Variants in OSBP2 observed in about 807,000 individuals in gnomAD.
OSBP2 encodes oxysterol binding protein 2.
In OSBP2, 66 loss-of-function variants were observed where a neutral mutation model predicts 96.0. That is an observed-to-expected ratio of 0.69 (90% CI 0.56 to 0.84). The LOEUF (loss-of-function observed/expected upper bound fraction) is 0.84. Among genes scored for constraint, OSBP2 ranks in the 40% least tolerant of loss-of-function variants. The pLI is 0.00. For missense variants in OSBP2, 1,038 were observed against 1,222.7 expected, an observed-to-expected ratio of 0.85 and a Z score of 2.25; for synonymous variants, 525 against 520.9, an observed-to-expected ratio of 1.01 and a Z score of -0.11.
At chr22:30,773,759 G>A (rs1383363727) in intron 2 of OSBP2, among the ~76,000 whole-genome samples, 1 of 152,090 alleles carries the variant, frequency 6.6e-6, no homozygotes, top group Non-Finnish European at 1.5e-5. Flanking sequence ...CAGTCTCGGG[G>A]TCCTCACAGA....
chr22:30,841,655 G>A (rs1246836885), intron 2 of OSBP2, among the ~76,000 whole-genome samples: 2 of 152,158 alleles, frequency 1.3e-5, no homozygotes, highest in South Asian at 2.1e-4. Context: ...ACTCTAGTAA[G>A]TGAGCAATAG....
At chr22:30,732,165 G>C (rs147058618) in intron 1 of OSBP2, among the ~76,000 whole-genome samples, 1 of 152,080 alleles carries the variant, frequency 6.6e-6, no homozygotes, top group Non-Finnish European at 1.5e-5. Flanking sequence ...TTAGCTGGGC[G>C]TGGTGACGGG....
chr22:30,835,814 C>T (rs1433159683), intron 2 of OSBP2, among the ~76,000 whole-genome samples: 1 of 150,376 alleles, frequency 6.6e-6, no homozygotes, highest in Non-Finnish European at 1.5e-5. Flanking sequence ...CCTCCCCTAT[C>T]TCAAGTGATC....
chr22:30,830,441 C>T (rs1400366527), intron 2 of OSBP2, among the ~76,000 whole-genome samples: 3 of 152,228 alleles, frequency 2.0e-5, no homozygotes, highest in Non-Finnish European at 2.9e-5. Flanking sequence ...ATCAGCCTTT[C>T]GGCCATAGGT....
intron 2 of OSBP2, among the ~76,000 whole-genome samples, chr22:30,766,991 A>G (rs2090279513): frequency 6.6e-6 from 1 of 151,922 alleles, no homozygotes; most frequent in African/African-American, 2.4e-5. Context: ...AAACGTGTTG[A>G]TTGACAGAGG....
At chr22:30,838,305 C>T (rs555494904) in intron 2 of OSBP2, among the ~76,000 whole-genome samples, 1 of 152,100 alleles carries the variant, frequency 6.6e-6, no homozygotes, top group Non-Finnish European at 1.5e-5. Flanking sequence ...TTTGGAGTCC[C>T]TGGGGATGTG....
At chr22:30,791,059 C>T (rs1169912099) in intron 2 of OSBP2, among the ~76,000 whole-genome samples, 1 of 151,778 alleles carries the variant, frequency 6.6e-6, no homozygotes, top group Non-Finnish European at 1.5e-5. Flanking sequence ...TCTCGGCTCA[C>T]GGCAACTTCC....
At chr22:30,738,783 A>G (rs1335616708) in intron 1 of OSBP2, among the ~76,000 whole-genome samples, 1 of 151,972 alleles carries the variant, frequency 6.6e-6, no homozygotes, top group South Asian at 2.1e-4. Flanking sequence ...GCTGGTCACA[A>G]TCTCCTCACC....
intron 1 of OSBP2, among the ~76,000 whole-genome samples, chr22:30,724,804 A>G (rs912618005): frequency 6.6e-6 from 1 of 152,206 alleles, no homozygotes; most frequent in Non-Finnish European, 1.5e-5. Context: ...GACAATGATA[A>G]AGTAAACCAA....
chr22:30,754,881 C>T lies in OSBP2; in HGVS notation c.853+13512C>T, dbSNP rs140409178. ...TGCCCCATCTCAAAGCCTCCCATTGCCATATAGCTTTCTGCTGACTACATC... is the reference window on the plus strand; with the variant it reads ...TGCCCCATCTCAAAGCCTCCCATTGTCATATAGCTTTCTGCTGACTACATC... On this transcript the variant is annotated intron_variant, in intron 2 of 13. Transcript: ENST00000332585. Among the ~76,000 whole-genome samples, 150 of 152,324 alleles carry T rather than the reference C, an allele frequency of 9.8e-4. 1 individual carries two copies. The highest frequency in any genetic ancestry group is 3.2e-3 in the African/African-American group (132 of 41,564).
chr22:30,890,633 T>C lies in OSBP2; in HGVS notation c.1624-95T>C. ...GGAGCCTCACTGTGAAGGTGCTGTCTGAGCAGGGATGTCCCTGAACATCCG... is the reference window on the plus strand; with the variant it reads ...GGAGCCTCACTGTGAAGGTGCTGTCCGAGCAGGGATGTCCCTGAACATCCG... On this transcript the variant is annotated intron_variant, in intron 7 of 13. Transcript: ENST00000332585. The surrounding 1 kb of genome is among the most constrained non-coding windows in gnomAD (Gnocchi z 4.4). 7.1e-7 allele frequency: 1 copy of C among 1,408,534 alleles called. No individual in the cohort carries two copies. The highest frequency in any genetic ancestry group is 9.8e-7 in the Non-Finnish European group (1 of 1,020,834). The allele number at this position is 1,408,534 out of a possible 1,614,324, so 87.3% of individuals were successfully genotyped here. A position where few individuals can be genotyped will look rare whatever the true frequency, so the allele number is the denominator to read the frequency against.
chr22:30,716,595 G>A (rs898878098), intron 1 of OSBP2, among the ~76,000 whole-genome samples: 13 of 151,046 alleles, frequency 8.6e-5, no homozygotes, highest in African/African-American at 2.7e-4. Flanking sequence ...CCACCACCAC[G>A]CCTGGCTAAT....
chr22:30,796,547 C>T (rs2090764869), intron 2 of OSBP2, among the ~76,000 whole-genome samples: 1 of 151,780 alleles, frequency 6.6e-6, no homozygotes, highest in Non-Finnish European at 1.5e-5. Context: ...ACTCTGTCGC[C>T]CAGGCTGGAG....
intron 2 of OSBP2, among the ~76,000 whole-genome samples, chr22:30,861,103 C>T (rs2039202211): frequency 6.6e-6 from 1 of 152,154 alleles, no homozygotes; most frequent in African/African-American, 2.4e-5. Flanking sequence ...TTTCTTTGTC[C>T]TCTGGGATTT....
At chr22:30,771,773 A>G (rs1464339344) in intron 2 of OSBP2, among the ~76,000 whole-genome samples, 1 of 152,234 alleles carries the variant, frequency 6.6e-6, no homozygotes, top group Admixed American at 6.5e-5. Context: ...AGGATTAGCT[A>G]TAGAAACTGA....
chr22:30,754,505 C>G (rs1251499204), intron 2 of OSBP2, among the ~76,000 whole-genome samples: 1 of 152,152 alleles, frequency 6.6e-6, no homozygotes, highest in Non-Finnish European at 1.5e-5. Flanking sequence ...GTGGGCAGCA[C>G]AGGTATGCTG....
At chr22:30,715,955 G>A (rs1413342043) in intron 1 of OSBP2, among the ~76,000 whole-genome samples, 2 of 148,930 alleles carry the variant, frequency 1.3e-5, no homozygotes, top group African/African-American at 5.0e-5. Context: ...GCCTCCCAAA[G>A]TATCCCACCT....
intron 2 of OSBP2, among the ~76,000 whole-genome samples, chr22:30,865,804 G>A (rs2039325579): frequency 6.6e-6 from 1 of 152,128 alleles, no homozygotes; most frequent in African/African-American, 2.4e-5. Context: ...TATCCCCGGT[G>A]TAAGGACCAG....
chr22:30,751,438 C>A (rs1386090067), intron 2 of OSBP2, among the ~76,000 whole-genome samples: 1 of 151,800 alleles, frequency 6.6e-6, no homozygotes, highest in African/African-American at 2.4e-5. Context: ...CACTGCAACC[C>A]CCATCTCCCA....
Sources: gnomAD v4.1 joint callset for allele counts (sites outside exome capture counted in the v4.1 genomes callset) on GRCh38, gnomAD v4.1.1 for gene constraint, Gnocchi (gnomAD v3.1) non-coding constraint, MANE v1.5 for transcripts, NCBI Gene and HGNC (gene_info 2026-07-23, HGNC 2026-07-21) for gene names.